The following ZFYVE16 variants were observed in gnomAD, a reference collection of about 807,000 sequenced individuals.
ZFYVE16 encodes the protein zinc finger FYVE domain-containing protein 16.
ZFYVE16 carries 89 observed loss-of-function variants against 138.1 expected under a neutral mutation model. That is an observed-to-expected ratio of 0.64 (90% confidence interval 0.54 to 0.77). The LOEUF (loss-of-function observed/expected upper bound fraction) is 0.77. ZFYVE16 is among the 30% of genes least tolerant of loss of function. The probability of loss-of-function intolerance (pLI) is 0.00; values close to 1 mark genes in which losing one functional copy is unlikely to be tolerated. For missense variants in ZFYVE16, 1,793 were observed against 1,786.7 expected, an observed-to-expected ratio of 1.00 and a Z score of -0.06; for synonymous variants, 596 against 618.3, an observed-to-expected ratio of 0.96 and a Z score of 0.53.
intron 15 of ZFYVE16, among the ~76,000 whole-genome samples, chr5:80,466,541 C>CAT (rs1389148668): frequency 2.6e-5 from 4 of 152,144 alleles, no homozygotes; most frequent in African/African-American, 9.7e-5. Flanking sequence ...GTTCTGTGAA[C>CAT]ATATTTAAAA....
intron 7 of ZFYVE16, 96 bp from the exon 8 acceptor site, chr5:80,447,930 T>C: frequency 8.8e-7 from 1 of 1,134,612 alleles, no homozygotes; most frequent in Non-Finnish European, 1.2e-6. Context: ...TTATTTATTC[T>C]TATTAAAAAG....
At chr5:80,416,389 G>A (rs534719051) in intron 1 of ZFYVE16, among the ~76,000 whole-genome samples, 16 of 151,442 alleles carry the variant, frequency 1.1e-4, no homozygotes, top group African/African-American at 3.9e-4. Context: ...ACAAGTAGCT[G>A]GGATTATAGG....
chr5:80,470,044 T>C (rs1754156287), intron 15 of ZFYVE16, among the ~76,000 whole-genome samples: 2 of 150,312 alleles, frequency 1.3e-5, no homozygotes, highest in African/African-American at 2.5e-5. Flanking sequence ...TGTATATATA[T>C]GTGTGTGTGT....
At chr5:80,470,945 C>A (rs62365316) in intron 15 of ZFYVE16, among the ~76,000 whole-genome samples, 117,591 of 151,580 alleles carry the variant, frequency 0.78, 48,773 homozygotes, top group East Asian at 0.92. Flanking sequence ...TGTGTAAAGA[C>A]AATGCCAAGT....
intron 7 of ZFYVE16, among the ~76,000 whole-genome samples, chr5:80,446,538 C>T (rs1751373591): frequency 6.6e-6 from 1 of 151,952 alleles, no homozygotes; most frequent in African/African-American, 2.4e-5. Flanking sequence ...GTTCTACATT[C>T]TGTGTGTTTT....
At chr5:80,420,304 T>G (rs1272649060) in intron 1 of ZFYVE16, among the ~76,000 whole-genome samples, 1 of 151,964 alleles carries the variant, frequency 6.6e-6, no homozygotes, top group African/African-American at 2.4e-5. Flanking sequence ...TATTATTATT[T>G]TTTATTATAC....
intron 1 of ZFYVE16, among the ~76,000 whole-genome samples, chr5:80,420,062 G>T (rs1256939028): frequency 1.3e-5 from 2 of 149,614 alleles, no homozygotes; most frequent in Non-Finnish European, 3.0e-5. Context: ...TGCCCACCTT[G>T]GCCCCCCAAA....
rs1470823581 is a variant in ZFYVE16, at chr5:80,481,824, TA to T, written c.*4448del. Among the ~76,000 whole-genome samples, 1 of 152,150 alleles carries T rather than the reference TA, an allele frequency of 6.6e-6. No individual in the cohort carries two copies. Among genetic ancestry groups the T allele is most frequent in the Non-Finnish European group, 1.5e-5 (1 of 68,024 alleles). On this transcript the variant is annotated 3_prime_UTR_variant, in exon 19 of 19. Coordinates refer to ENST00000505560, the MANE Select transcript of ZFYVE16 (RefSeq NM_001284236.3). ...GAAAAAGACTTAAAACTAGTTATTT[TA>T]TTTTTTTTATTTATTTTTGAGACAG...
At chr5:80,468,407 A>T (rs1753950640) in intron 15 of ZFYVE16, among the ~76,000 whole-genome samples, 1 of 152,194 alleles carries the variant, frequency 6.6e-6, no homozygotes, top group Admixed American at 6.5e-5. Context: ...CCTAGGCTAT[A>T]TGGTATAGCC....
chr5:80,466,670 G>C (rs1276155657), intron 15 of ZFYVE16, among the ~76,000 whole-genome samples: 1 of 152,106 alleles, frequency 6.6e-6, no homozygotes, highest in Non-Finnish European at 1.5e-5. Context: ...TTGGATAAAA[G>C]GGTTTCCTAT....
At chr5:80,446,189 G>T (rs1000175758) in intron 7 of ZFYVE16, among the ~76,000 whole-genome samples, 4 of 151,930 alleles carry the variant, frequency 2.6e-5, no homozygotes, top group Non-Finnish European at 5.9e-5. Context: ...GAGCCACCGT[G>T]CCTGGCCCAG....
intron 1 of ZFYVE16, among the ~76,000 whole-genome samples, chr5:80,414,801 AG>A (rs1745970104): frequency 6.6e-6 from 1 of 152,216 alleles, no homozygotes; most frequent in Non-Finnish European, 1.5e-5. Context: ...GCTTTAGAAA[AG>A]AGAAAAAAGA....
intron 1 of ZFYVE16, among the ~76,000 whole-genome samples, chr5:80,416,909 T>C (rs1746341619): frequency 6.6e-6 from 1 of 152,206 alleles, no homozygotes; most frequent in Non-Finnish European, 1.5e-5. Flanking sequence ...GATATGTTAG[T>C]ATATGTGTTT....
chr5:80,449,941 C>A (rs536654551), intron 9 of ZFYVE16, among the ~76,000 whole-genome samples: 2 of 152,220 alleles, frequency 1.3e-5, no homozygotes, highest in East Asian at 3.9e-4. Context: ...AGGTTAAGGT[C>A]ATGGGCTTAT....
At position 80,477,980 on chromosome 5, in the gene ZFYVE16, T is replaced by G. The variant is rs1396024838; in HGVS notation, c.*603T>G. The G allele has an allele frequency of 6.6e-6, 1 of 152,164 alleles. No homozygotes were observed. Among genetic ancestry groups the G allele is most frequent in the Non-Finnish European group, 1.5e-5 (1 of 67,986 alleles). The allele number at this position is 152,164 out of a possible 1,614,324, so 9.4% of individuals were successfully genotyped here. On this transcript the variant is annotated 3_prime_UTR_variant, in exon 19 of 19. Transcript: ENST00000505560. ...TTTTCTTCTCAAATTATTACATATG[T>G]ATGTATTATATATCCACATATATAG...
Position 80,434,108 on chromosome 5 carries a change from G to A in ZFYVE16, c.-39-1G>A. 6.4e-7 allele frequency: 1 copy of A among 1,556,052 alleles called. No individual in the cohort carries two copies. The highest frequency in any genetic ancestry group is 2.2e-5 in the East Asian group (1 of 44,472). On this transcript the variant is annotated splice_acceptor_variant, in intron 2 of 18. Coordinates refer to ENST00000505560, the MANE Select transcript of ZFYVE16 (RefSeq NM_001284236.3). LOFTEE classifies it low-confidence loss of function (5UTR_SPLICE). ...ATATTATTATACTTTCTATTTTTTAGGCATACAAGAATTAAATTCTGAATA... is the reference window on the plus strand; with the variant it reads ...ATATTATTATACTTTCTATTTTTTAAGCATACAAGAATTAAATTCTGAATA...
chr5:80,428,643 C>T (rs1310155495), intron 2 of ZFYVE16, among the ~76,000 whole-genome samples: 1 of 152,060 alleles, frequency 6.6e-6, no homozygotes, highest in Non-Finnish European at 1.5e-5. Context: ...AGGCTTCAGA[C>T]GACCAAACTT....
intron 15 of ZFYVE16, among the ~76,000 whole-genome samples, chr5:80,465,400 G>GTTTTTTTTTGTTT (rs1753600981): frequency 7.5e-5 from 2 of 26,778 alleles, no homozygotes; most frequent in Non-Finnish European, 1.5e-4. Flanking sequence ...CCTTTTCTTT[G>GTTTTTTTTTGTTT]TTTTTTTTTT....
chr5:80,437,378 G>C lies in ZFYVE16; in HGVS notation c.693G>C (p.Lys231Asn). 1 of 1,604,662 alleles carries C rather than the reference G, an allele frequency of 6.2e-7. No homozygotes were observed. The highest frequency in any genetic ancestry group is 8.5e-7 in the Non-Finnish European group (1 of 1,176,822). The change falls in exon 4 of 19, where the codon AAG (lysine) becomes AAC (asparagine). Residue 231 changes from lysine (K) to asparagine (N), a missense_variant. Lys to Asn is a moderately conservative substitution (Grantham distance 94). Coordinates refer to ENST00000505560, the MANE Select transcript of ZFYVE16 (RefSeq NM_001284236.3). The stretch of plus-strand genomic sequence containing the variant: ...GAACAGAAAATTTAAAAGATAAAAA[G>C]ATCTTTAATCAGTTAGAATCAATTG... ...YSGTENLKDK[K>N]IFNQLESIVD...
Sources: gnomAD v4.1 joint callset for allele counts (sites outside exome capture counted in the v4.1 genomes callset) on GRCh38, gnomAD v4.1.1 for gene constraint, MANE v1.5 for transcripts, NCBI Gene and HGNC (gene_info 2026-07-23, HGNC 2026-07-21) for gene names.